The following CDKAL1 variants were observed in gnomAD, a reference collection of about 807,000 sequenced individuals.
CDKAL1 encodes the protein CDKAL1 threonylcarbamoyladenosine tRNA methylthiotransferase.
In CDKAL1, 32 loss-of-function variants were observed where a neutral mutation model predicts 68.2. The ratio of observed to expected loss-of-function variants is 0.47; its 90% CI spans 0.35 to 0.63. CDKAL1 has a LOEUF of 0.63. Ranked by LOEUF, CDKAL1 falls within the 30% of genes least tolerant of loss-of-function variation. CDKAL1 has a pLI of 0.00. For synonymous variants in CDKAL1, 234 were observed against 244.3 expected, an observed-to-expected ratio of 0.96 and a Z score of 0.39; for missense variants, 606 against 696.7, an observed-to-expected ratio of 0.87 and a Z score of 1.47.
At chr6:20,637,656 T>C (rs1001566463) in intron 4 of CDKAL1, among the ~76,000 whole-genome samples, 2 of 152,202 alleles carry the variant, frequency 1.3e-5, no homozygotes, top group Admixed American at 6.5e-5. Context: ...AAATATTTAA[T>C]TTTTAGAATA....
chr6:20,752,502 C>CACACAG (rs1487176328), intron 6 of CDKAL1, among the ~76,000 whole-genome samples: 1 of 152,158 alleles, frequency 6.6e-6, no homozygotes, highest in Non-Finnish European at 1.5e-5. Flanking sequence ...TGTACACACA[C>CACACAG]ACACAGACAC....
intron 7 of CDKAL1, among the ~76,000 whole-genome samples, chr6:20,770,050 C>T (rs1277972274): frequency 2.0e-5 from 3 of 151,792 alleles, no homozygotes; most frequent in African/African-American, 7.3e-5. Flanking sequence ...TATTTTGTTC[C>T]TTCATGTGTC....
At chr6:20,696,308 A>G (rs1160907692) in intron 5 of CDKAL1, among the ~76,000 whole-genome samples, 4 of 152,194 alleles carry the variant, frequency 2.6e-5, no homozygotes, top group Non-Finnish European at 2.9e-5. Context: ...ACCAAATAGA[A>G]TTTCGTGTTA....
chr6:20,901,060 A>T (rs757377759), intron 9 of CDKAL1, among the ~76,000 whole-genome samples: 4 of 152,068 alleles, frequency 2.6e-5, no homozygotes, highest in Non-Finnish European at 5.9e-5. Context: ...TTTTCTTTGA[A>T]GTCTAGCGAT....
At chr6:20,976,996 A>G (rs999609347) in intron 10 of CDKAL1, among the ~76,000 whole-genome samples, 1 of 152,166 alleles carries the variant, frequency 6.6e-6, no homozygotes, top group African/African-American at 2.4e-5. Flanking sequence ...TAATACACTC[A>G]TTTCTCTTGA....
intron 4 of CDKAL1, among the ~76,000 whole-genome samples, chr6:20,645,283 A>C (rs1768388370): frequency 6.6e-6 from 1 of 152,180 alleles, no homozygotes; most frequent in Non-Finnish European, 1.5e-5. Context: ...TTTCATAATA[A>C]TAAATTAACC....
chr6:21,020,323 A>G (rs7744010), intron 11 of CDKAL1, among the ~76,000 whole-genome samples: 5,089 of 152,214 alleles, frequency 0.033, 260 homozygotes, highest in African/African-American at 0.11. Flanking sequence ...TTCACTCACA[A>G]TGTTAGACAG....
chr6:20,646,157 A>G (rs1054030637), intron 4 of CDKAL1, among the ~76,000 whole-genome samples: 3 of 147,418 alleles, frequency 2.0e-5, no homozygotes, highest in African/African-American at 7.6e-5. Context: ...CCCAGGTTCA[A>G]GCAATTCTTC....
chr6:20,838,754 G>A (rs112889776), intron 8 of CDKAL1, among the ~76,000 whole-genome samples: 2,121 of 152,116 alleles, frequency 0.014, 36 homozygotes, highest in African/African-American at 0.048. Context: ...GGGCAGATCA[G>A]CTGAGGTCAG....
intron 8 of CDKAL1, among the ~76,000 whole-genome samples, chr6:20,782,115 A>G (rs924727275): frequency 6.6e-6 from 1 of 152,136 alleles, no homozygotes; most frequent in Non-Finnish European, 1.5e-5. Flanking sequence ...TCTGAATCCA[A>G]TGGCTTTACT....
intron 13 of CDKAL1, among the ~76,000 whole-genome samples, chr6:21,128,976 A>T (rs1775152898): frequency 6.6e-6 from 1 of 152,110 alleles, no homozygotes; most frequent in Admixed American, 6.6e-5. Flanking sequence ...TCTGCCTTTC[A>T]CTCACTGTGC....
chr6:20,550,711 T>C (rs921100298), intron 4 of CDKAL1, among the ~76,000 whole-genome samples: 1 of 152,128 alleles, frequency 6.6e-6, no homozygotes, highest in Admixed American at 6.6e-5. Flanking sequence ...GCTATTTCTG[T>C]ATCTATTATG....
At chr6:20,853,766 A>G (rs1198178436) in intron 9 of CDKAL1, among the ~76,000 whole-genome samples, 2 of 152,160 alleles carry the variant, frequency 1.3e-5, no homozygotes, top group Admixed American at 6.5e-5. Context: ...GAGAACTACA[A>G]TTAAGAACCA....
chr6:20,811,732 G>A (rs1776825948), intron 8 of CDKAL1, among the ~76,000 whole-genome samples: 1 of 144,720 alleles, frequency 6.9e-6, no homozygotes, highest in South Asian at 2.2e-4. Context: ...CGGGTTATGT[G>A]TTGTTAACTT....
intron 10 of CDKAL1, among the ~76,000 whole-genome samples, chr6:20,980,190 T>TAGATAG (rs938455869): frequency 8.2e-6 from 1 of 121,732 alleles, no homozygotes; most frequent in Non-Finnish European, 1.7e-5. Context: ...CCTCCAAAGA[T>TAGATAG]AGATAGATAT....
chr6:20,931,961 C>A (rs1259642579), intron 9 of CDKAL1, among the ~76,000 whole-genome samples: 4 of 152,172 alleles, frequency 2.6e-5, no homozygotes, highest in African/African-American at 9.7e-5. Context: ...CAAGTTCTTT[C>A]TCTCTGCGTT....
intron 13 of CDKAL1, among the ~76,000 whole-genome samples, chr6:21,184,686 C>G (rs1213030202): frequency 6.6e-6 from 1 of 151,778 alleles, no homozygotes; most frequent in Non-Finnish European, 1.5e-5. Flanking sequence ...GGGTCTCACT[C>G]TGTTCCCAGG....
At chr6:21,150,050 G>C (rs889431426) in intron 13 of CDKAL1, among the ~76,000 whole-genome samples, 29 of 152,038 alleles carry the variant, frequency 1.9e-4, no homozygotes, top group African/African-American at 6.8e-4. Context: ...GTAGAGATGG[G>C]GTTTCACCAT....
intron 4 of CDKAL1, among the ~76,000 whole-genome samples, chr6:20,622,218 A>G (rs1767226790): frequency 6.6e-6 from 1 of 152,054 alleles, no homozygotes; most frequent in African/African-American, 2.4e-5. Flanking sequence ...GTTGTGTCGT[A>G]TAAGGACTTC....
Sources: allele counts gnomAD v4.1 joint callset (sites outside exome capture counted in the v4.1 genomes callset), GRCh38; gene constraint gnomAD v4.1.1; transcripts MANE v1.5; gene names NCBI Gene and HGNC (gene_info 2026-07-23, HGNC 2026-07-21).